Variants in CTIF observed in about 807,000 individuals in gnomAD.
The protein encoded by CTIF is cap binding complex dependent translation initiation factor.
In CTIF, 21 loss-of-function variants were observed where a neutral mutation model predicts 66.0. The observed-to-expected ratio is 0.32, with a 90% CI of 0.23 to 0.46. The LOEUF (loss-of-function observed/expected upper bound fraction) is 0.46, where lower values mean the gene tolerates loss of function less well. Among genes scored for constraint, CTIF ranks in the 20% least tolerant of loss-of-function variants. The probability of loss-of-function intolerance (pLI) is 1.00; values close to 1 mark genes in which losing one functional copy is unlikely to be tolerated. For synonymous variants in CTIF, 345 were observed against 326.4 expected, an observed-to-expected ratio of 1.06 and a Z score of -0.62; for missense variants, 739 against 812.7, an observed-to-expected ratio of 0.91 and a Z score of 1.10.
chr18:48,858,807 T>C (rs1229586765), intron 11 of CTIF, among the ~76,000 whole-genome samples: 1 of 152,126 alleles, frequency 6.6e-6, no homozygotes, highest in African/African-American at 2.4e-5. Context: ...CAGAGGTCAC[T>C]TCTGGGGGCT....
At chr18:48,712,015 A>G (rs781263223) in intron 7 of CTIF, among the ~76,000 whole-genome samples, 25 of 152,176 alleles carry the variant, frequency 1.6e-4, no homozygotes, top group Non-Finnish European at 3.7e-4. Flanking sequence ...CGCTGACCTC[A>G]AAGCAACAAT....
chr18:48,716,073 C>T (rs902144977), intron 7 of CTIF, among the ~76,000 whole-genome samples: 1 of 152,242 alleles, frequency 6.6e-6, no homozygotes, highest in Non-Finnish European at 1.5e-5. Context: ...ACAGCACTTC[C>T]AGCAGCCGGG....
At chr18:48,564,285 A>T (rs2089230952) in intron 1 of CTIF, among the ~76,000 whole-genome samples, 1 of 152,160 alleles carries the variant, frequency 6.6e-6, no homozygotes, top group East Asian at 1.9e-4. Flanking sequence ...TGCAAGCAGG[A>T]CCGGACCTCT....
intron 10 of CTIF, among the ~76,000 whole-genome samples, chr18:48,847,520 C>A (rs1294158165): frequency 6.6e-6 from 1 of 152,128 alleles, no homozygotes; most frequent in Non-Finnish European, 1.5e-5. Context: ...TATGATAATA[C>A]CTGTGGCCTT....
At chr18:48,562,735 A>T (rs1186021966) in intron 1 of CTIF, among the ~76,000 whole-genome samples, 3 of 152,354 alleles carry the variant, frequency 2.0e-5, no homozygotes, top group Non-Finnish European at 4.4e-5. Context: ...ACTCATTTTT[A>T]TCGAGCATGA....
At chr18:48,625,996 C>CTTTTT (rs769138284) in intron 2 of CTIF, among the ~76,000 whole-genome samples, 1 of 114,478 alleles carries the variant, frequency 8.7e-6, no homozygotes, top group African/African-American at 3.6e-5. Flanking sequence ...ATTTCTTTTT[C>CTTTTT]TTTCTTTTTT....
chr18:48,550,525 C>T (rs1252621947), intron 1 of CTIF, among the ~76,000 whole-genome samples: 2 of 152,206 alleles, frequency 1.3e-5, no homozygotes, highest in African/African-American at 4.8e-5. Flanking sequence ...CACATGCAAA[C>T]AGCCCAGGCC....
At chr18:48,599,017 A>C (rs1402254490) in intron 1 of CTIF, among the ~76,000 whole-genome samples, 1 of 151,506 alleles carries the variant, frequency 6.6e-6, no homozygotes, top group African/African-American at 2.5e-5. Context: ...TTTGACCTGA[A>C]GACTTTAGAC....
intron 5 of CTIF, among the ~76,000 whole-genome samples, chr18:48,668,826 G>A (rs953839337): frequency 2.0e-5 from 3 of 152,108 alleles, no homozygotes; most frequent in African/African-American, 4.8e-5. Flanking sequence ...TGTCCCCAGC[G>A]GGGCACTTGC....
intron 1 of CTIF, among the ~76,000 whole-genome samples, chr18:48,541,353 G>A (rs2088613732): frequency 6.6e-6 from 1 of 152,088 alleles, no homozygotes; most frequent in African/African-American, 2.4e-5. Flanking sequence ...TAGAGCCTCC[G>A]TAGGGCGAAA....
chr18:48,641,550 T>C (rs1057433704), intron 3 of CTIF, among the ~76,000 whole-genome samples: 2 of 152,176 alleles, frequency 1.3e-5, no homozygotes, highest in African/African-American at 2.4e-5. Context: ...CTGGAATAAG[T>C]GAAGGGCACT....
chr18:48,704,162 C>T (rs2092121382), intron 6 of CTIF, among the ~76,000 whole-genome samples: 1 of 152,116 alleles, frequency 6.6e-6, no homozygotes. Context: ...GGGGGGTTGG[C>T]CTCCCATCTC....
intron 2 of CTIF, 46 bp from the exon 3 acceptor site, chr18:48,636,568 G>A (rs755336613): frequency 7.0e-7 from 1 of 1,431,352 alleles, no homozygotes; most frequent in Non-Finnish European, 9.3e-7. Flanking sequence ...AGTGAGCATG[G>A]GCCTGGCTGT....
In CTIF at chr18:48,683,625, C is replaced by T. The variant is rs570388149; in HGVS notation, c.507+12881C>T. Among the ~76,000 whole-genome samples, 6 of 152,194 alleles carry T rather than the reference C, an allele frequency of 3.9e-5. No individual in the cohort carries two copies. The East Asian group carries it at 1.2e-3, about 30-fold the overall frequency. On this transcript the variant is annotated intron_variant, in intron 6 of 11. Coordinates refer to ENST00000256413, the MANE Select transcript of CTIF (RefSeq NM_014772.3). Reference sequence around the variant, plus strand: ...CCTCTTTGTTCCTTTTGGCACCCCACCCCCAAAGGGTTCAGGAGGAAGCTC... The same window carrying T: ...CCTCTTTGTTCCTTTTGGCACCCCATCCCCAAAGGGTTCAGGAGGAAGCTC...
intron 7 of CTIF, among the ~76,000 whole-genome samples, chr18:48,736,779 C>T (rs368731029): frequency 4.3e-4 from 65 of 152,218 alleles, no homozygotes; most frequent in African/African-American, 1.5e-3. Flanking sequence ...GACATTGGCC[C>T]GGCCTCAGGC....
intron 9 of CTIF, among the ~76,000 whole-genome samples, chr18:48,810,445 T>G (rs2068236541): frequency 6.6e-6 from 1 of 152,152 alleles, no homozygotes; most frequent in Non-Finnish European, 1.5e-5. Context: ...ATTTCATTTT[T>G]CTTTAGAAGA....
At chr18:48,726,060 C>T (rs2092384453) in intron 7 of CTIF, among the ~76,000 whole-genome samples, 1 of 152,168 alleles carries the variant, frequency 6.6e-6, no homozygotes. Flanking sequence ...ATACGATATC[C>T]ACCTTGTAAG....
chr18:48,678,636 C>G (rs1035959333), intron 6 of CTIF, among the ~76,000 whole-genome samples: 63 of 146,864 alleles, frequency 4.3e-4, no homozygotes, highest in African/African-American at 1.5e-3. Flanking sequence ...GAGGTGAAGA[C>G]TTTTGTTGGT....
intron 1 of CTIF, among the ~76,000 whole-genome samples, chr18:48,581,779 T>C (rs2089663528): frequency 6.6e-6 from 1 of 151,968 alleles, no homozygotes. Context: ...CAGGGAGGTG[T>C]TATTATCGGT....
Sources: gnomAD v4.1 joint callset for allele counts (sites outside exome capture counted in the v4.1 genomes callset) on GRCh38, gnomAD v4.1.1 for gene constraint, MANE v1.5 for transcripts, NCBI Gene and HGNC (gene_info 2026-07-23, HGNC 2026-07-21) for gene names.